SAMHD1: variants seen among roughly 807,000 people sequenced by gnomAD.
SAMHD1 encodes the protein SAM and HD domain containing deoxynucleoside triphosphate triphosphohydrolase 1.
Under a neutral mutation model 79.6 loss-of-function variants are expected in SAMHD1, and 54 were observed. That is an observed-to-expected ratio of 0.68 (90% CI 0.55 to 0.85). SAMHD1 has a LOEUF of 0.85. SAMHD1 is among the 40% of genes least tolerant of loss of function. SAMHD1 has a pLI of 0.00. For missense variants in SAMHD1, 663 were observed against 782.7 expected (o/e 0.85, Z 1.82); for synonymous variants, 260 against 264.1 (o/e 0.98, Z 0.15).
At chr20:36,913,220 A>G (rs1038025251) in intron 9 of SAMHD1, among the ~76,000 whole-genome samples, 1 of 150,454 alleles carries the variant, frequency 6.6e-6, no homozygotes, top group African/African-American at 2.4e-5. Flanking sequence ...GATGGTCTCA[A>G]TCTCCTGACC....
rs559144413 is a variant in SAMHD1, at chr20:36,930,505, C to A, written c.625+255G>T. ...GCAAAACTCTGTCTCAAAAAAAAAA[C>A]AACAACAAAAAAACCACTTTAGCAA... On this transcript the variant is annotated intron_variant, in intron 5 of 15. Transcript: ENST00000646673. 1.9e-3 allele frequency among the ~76,000 whole-genome samples: 280 copies of A among 151,230 alleles called. 1 individual carries two copies. The highest frequency in any genetic ancestry group is 6.3e-3 in the African/African-American group (259 of 41,256).
intron 3 of SAMHD1, among the ~76,000 whole-genome samples, chr20:36,938,053 G>T (rs1426772863): frequency 1.3e-5 from 2 of 151,934 alleles, no homozygotes; most frequent in Admixed American, 1.3e-4. Flanking sequence ...ATTGTTTGTA[G>T]ATGGAGTTTC....
chr20:36,908,026 C>A (rs1263773713), intron 11 of SAMHD1, among the ~76,000 whole-genome samples: 3 of 151,916 alleles, frequency 2.0e-5, no homozygotes, highest in African/African-American at 7.3e-5. Flanking sequence ...AGGCACCCGC[C>A]AGCACGCCCA....
At chr20:36,899,454 T>C (rs1385746970) in intron 13 of SAMHD1, among the ~76,000 whole-genome samples, 1 of 151,946 alleles carries the variant, frequency 6.6e-6, no homozygotes, top group Non-Finnish European at 1.5e-5. Flanking sequence ...AAGAAAATCC[T>C]AGCCCCCACA....
At chr20:36,933,205 G>T (rs1326496390) in intron 4 of SAMHD1, among the ~76,000 whole-genome samples, 3 of 152,160 alleles carry the variant, frequency 2.0e-5, no homozygotes, top group East Asian at 3.9e-4. Flanking sequence ...AATATACTGT[G>T]AGTACTTCAT....
chr20:36,916,999 T>C lies in SAMHD1; in HGVS notation c.903A>G (p.Val301=), dbSNP rs376492817. The stretch of plus-strand genomic sequence containing the variant: ...CATCAATGCCATTTCTTTTATTAGA[T>C]ACTATCTCATAAAGGAAGCTTTTGT... ...PENKSFLYEI[V]SNKRNGIDVD... is the part of the protein sequence containing the mutation. Residue 301 remains valine, a synonymous_variant, in exon 8 of 16, where the codon GTA becomes GTG. Coordinates refer to ENST00000646673, the MANE Select transcript of SAMHD1 (RefSeq NM_015474.4). The C allele has an allele frequency of 1.2e-6, 2 of 1,614,108 alleles. No individual in the cohort carries two copies. Among genetic ancestry groups the C allele is most frequent in the Non-Finnish European group, 1.7e-6 (2 of 1,179,964 alleles).
intron 4 of SAMHD1, chr20:36,934,697 GCCT>G (rs2063591790): frequency 1.2e-5 from 1 of 80,542 alleles, no homozygotes; most frequent in Non-Finnish European, 2.3e-5. Context: ...TGCTCTTGTT[GCCT>G]AGGCTGGAGT....
rs545082542 is a variant in SAMHD1, at chr20:36,899,822, G to A, written c.1504-1278C>T. Among the ~76,000 whole-genome samples the A allele has an allele frequency of 3.9e-5, 6 of 152,188 alleles. No homozygotes were observed. In the East Asian group the frequency reaches 9.7e-4, roughly 25 times the overall value. ...AATGAGAAACAAAAATGTAAGAGGC[G>A]CAATGGCTCACGCCTGTAATCCCAG... On this transcript the variant is annotated intron_variant, in intron 13 of 15. Transcript: ENST00000646673.
chr20:36,905,238 G>A (rs939213514), intron 12 of SAMHD1, 126 bp downstream of exon 12: 9 of 1,072,012 alleles, frequency 8.4e-6, no homozygotes, highest in Non-Finnish European at 1.3e-5. Flanking sequence ...CTGCACTACT[G>A]TGAAGATTAA....
intron 11 of SAMHD1, among the ~76,000 whole-genome samples, chr20:36,907,746 G>A (rs1203283733): frequency 6.6e-6 from 1 of 151,792 alleles, no homozygotes; most frequent in Non-Finnish European, 1.5e-5. Flanking sequence ...AAAGTGCTGG[G>A]ATTACAGGCG....
chr20:36,951,216 TGCCGCAGGCCCTCCTGGGAACCCCC>T (rs1464958935), intron 1 of SAMHD1, among the ~76,000 whole-genome samples, 195 bp downstream of exon 1: 1 of 152,110 alleles, frequency 6.6e-6, no homozygotes, highest in African/African-American at 2.4e-5. Flanking sequence ...GGGAGCCCCA[TGCCGCAGGCCCTCCTGGGAACCCCC>T]GCCGCAGGGC....
At chr20:36,919,985 ATC>A (rs1467965672) in intron 6 of SAMHD1, among the ~76,000 whole-genome samples, 2 of 152,170 alleles carry the variant, frequency 1.3e-5, no homozygotes, top group African/African-American at 2.4e-5. Context: ...CTGTTTGCTC[ATC>A]TCTCTCTGCT....
intron 5 of SAMHD1, among the ~76,000 whole-genome samples, chr20:36,930,294 G>A (rs1268218855): frequency 6.6e-6 from 1 of 152,096 alleles, no homozygotes; most frequent in South Asian, 2.1e-4. Context: ...TCAGGAGTTC[G>A]AGACCAGCCT....
chr20:36,943,581 A>G (rs1008084097), intron 2 of SAMHD1, among the ~76,000 whole-genome samples: 1 of 152,172 alleles, frequency 6.6e-6, no homozygotes, highest in Non-Finnish European at 1.5e-5. Flanking sequence ...TTCATGGAAG[A>G]ATTCCTAGTA....
rs1322137511 is a variant in SAMHD1, at chr20:36,892,957, T to C, written c.1856A>G (p.Gln619Arg). The change falls in exon 16 of 16, where the codon CAG (glutamine) becomes CGG (arginine). Residue 619 changes from glutamine (Q) to arginine (R), a missense_variant. By Grantham distance (43) the Gln-to-Arg change is conservative (BLOSUM62 1). Coordinates refer to ENST00000646673, the MANE Select transcript of SAMHD1 (RefSeq NM_015474.4). ...TCACATTGGGTCATCTTTAAAAAGC[T>C]GGACTCTGCTTTTGGATGCTTCTCG... The part of the protein sequence containing the change: ...RLREASKSRV[Q>R]LFKDDPM 10 of 1,614,124 alleles carry C rather than the reference T, an allele frequency of 6.2e-6. No individual in the cohort carries two copies. The highest frequency in any genetic ancestry group is 7.6e-6 in the Non-Finnish European group (9 of 1,180,032).
At chr20:36,932,919 G>GT (rs967011669) in intron 4 of SAMHD1, among the ~76,000 whole-genome samples, 5 of 151,454 alleles carry the variant, frequency 3.3e-5, no homozygotes, top group East Asian at 1.9e-4. Context: ...TTTTACCACA[G>GT]TTTTTTTTTA....
At chr20:36,909,108 C>T (rs958872165) in intron 11 of SAMHD1, among the ~76,000 whole-genome samples, 5 of 151,934 alleles carry the variant, frequency 3.3e-5, no homozygotes, top group Non-Finnish European at 5.9e-5. Flanking sequence ...ATTACAGGTG[C>T]GTGCCACCAC....
At chr20:36,901,868 A>G (rs1045637425) in intron 13 of SAMHD1, among the ~76,000 whole-genome samples, 3 of 152,246 alleles carry the variant, frequency 2.0e-5, no homozygotes, top group Non-Finnish European at 2.9e-5. Context: ...GACCAAGAAT[A>G]TCTCTGTCAC....
At chr20:36,942,319 G>T (rs1344387154) in intron 2 of SAMHD1, among the ~76,000 whole-genome samples, 1 of 152,178 alleles carries the variant, frequency 6.6e-6, no homozygotes, top group Non-Finnish European at 1.5e-5. Flanking sequence ...TCGGGAGGCT[G>T]AGGCAGGAGA....
Sources: gnomAD v4.1 joint callset for allele counts (sites outside exome capture counted in the v4.1 genomes callset) on GRCh38, gnomAD v4.1.1 for gene constraint, MANE v1.5 for transcripts, NCBI Gene and HGNC (gene_info 2026-07-23, HGNC 2026-07-21) for gene names.